The following BST1 variants were observed in gnomAD, a reference collection of about 807,000 sequenced individuals.
The protein encoded by BST1 is bone marrow stromal cell antigen 1.
In BST1, 49 loss-of-function variants were observed where a neutral mutation model predicts 40.6. The ratio of observed to expected loss-of-function variants is 1.21; its 90% CI spans 0.96 to 1.53. The LOEUF (loss-of-function observed/expected upper bound fraction) is 1.53, where lower values mean the gene tolerates loss of function less well. BST1 is among the 40% of genes most tolerant of loss of function. BST1 has a pLI of 0.00. For missense variants in BST1, 423 were observed against 395.9 expected (o/e 1.07, Z -0.58); for synonymous variants, 157 against 159.3 (o/e 0.99, Z 0.11).
At chr4:15,704,731 G>T (rs1226866864) in intron 1 of BST1, among the ~76,000 whole-genome samples, 1 of 152,074 alleles carries the variant, frequency 6.6e-6, no homozygotes. Context: ...ATCTCAGGTT[G>T]GAATTCCTTG....
At chr4:15,705,931 ACTTCTGGGAGGCCT>A (rs1484647515) in intron 2 of BST1, among the ~76,000 whole-genome samples, 1 of 152,228 alleles carries the variant, frequency 6.6e-6, no homozygotes, top group Admixed American at 6.5e-5. Context: ...GGCAACATCT[ACTTCTGGGAGGCCT>A]CTGGGAGCTT....
At chr4:15,735,926 C>T (rs1721544063), downstream of BST1, 2 of 388,486 alleles carry the variant, frequency 5.1e-6, no homozygotes, top group Non-Finnish European at 4.5e-6. Context: ...GTAATAATGG[C>T]TCTTTACTTG....
chr4:15,751,220 G>A, the BST1 span, among the ~76,000 whole-genome samples: 1 of 152,144 alleles, frequency 6.6e-6, no homozygotes, highest in Admixed American at 6.5e-5. Context: ...TCACAAGAGT[G>A]GGGTTTTACA....
chr4:15,748,020 A>C, the BST1 span, among the ~76,000 whole-genome samples: 1 of 152,102 alleles, frequency 6.6e-6, no homozygotes, highest in African/African-American at 2.4e-5. Flanking sequence ...TCCAGATTTC[A>C]ATGAGCCATT....
intron 8 of BST1, among the ~76,000 whole-genome samples, chr4:15,728,449 CTTTT>C (rs974237825): frequency 4.2e-5 from 5 of 119,590 alleles, no homozygotes; most frequent in Admixed American, 1.8e-4. Context: ...AATTCTTTTT[CTTTT>C]TTTTTTTTTT....
chr4:15,731,157 G>C (rs1263897280), intron 8 of BST1: 2 of 402,382 alleles, frequency 5.0e-6, no homozygotes, highest in Non-Finnish European at 9.4e-6. Flanking sequence ...TCTTCATGTG[G>C]AAATTGATTA....
chr4:15,734,398 T>C (rs1299352888), downstream of BST1, among the ~76,000 whole-genome samples: 1 of 152,134 alleles, frequency 6.6e-6, no homozygotes, highest in African/African-American at 2.4e-5. Flanking sequence ...TAGGAAAATG[T>C]GTAAGAGATA....
chr4:15,765,569 C>T, the BST1 span, among the ~76,000 whole-genome samples: 10 of 152,014 alleles, frequency 6.6e-5, no homozygotes, highest in Non-Finnish European at 1.2e-4. Flanking sequence ...AATCTCTATC[C>T]TCATCTCCCA....
the BST1 span, among the ~76,000 whole-genome samples, chr4:15,772,485 C>T: frequency 4.6e-5 from 7 of 152,178 alleles, no homozygotes; most frequent in Admixed American, 1.3e-4. Context: ...TCCCAGGGTA[C>T]TAAGAGAATA....
At chr4:15,736,297 T>C (rs546917032), downstream of BST1, 1 of 223,248 alleles carries the variant, frequency 4.5e-6, no homozygotes, top group South Asian at 1.6e-4. Context: ...TTCCTACCCT[T>C]GGCAAGACAA....
chr4:15,743,755 T>G, the BST1 span, among the ~76,000 whole-genome samples: 1 of 152,210 alleles, frequency 6.6e-6, no homozygotes, highest in Non-Finnish European at 1.5e-5. Flanking sequence ...ATTTTTACCC[T>G]GGCTTTGCCT....
chr4:15,740,754 G>A (rs1390001527), downstream of BST1, among the ~76,000 whole-genome samples: 2 of 152,078 alleles, frequency 1.3e-5, no homozygotes, highest in Non-Finnish European at 2.9e-5. Flanking sequence ...CAGCAACAGA[G>A]GCTGGAGCAT....
chr4:15,746,768 G>T, the BST1 span, among the ~76,000 whole-genome samples: 3 of 152,124 alleles, frequency 2.0e-5, no homozygotes, highest in Non-Finnish European at 2.9e-5. Context: ...TACTATAAAG[G>T]CTCTTACTCC....
chr4:15,720,161 G>A (rs1720733754), intron 7 of BST1, among the ~76,000 whole-genome samples: 1 of 152,048 alleles, frequency 6.6e-6, no homozygotes, highest in Admixed American at 6.5e-5. Context: ...CCACTCTCTA[G>A]ATTTATAATG....
chr4:15,729,024 T>C (rs186006853), intron 8 of BST1, among the ~76,000 whole-genome samples: 142 of 152,338 alleles, frequency 9.3e-4, no homozygotes, highest in Non-Finnish European at 1.6e-3. Flanking sequence ...AGTATTGGAA[T>C]TTGTAAAAGA....
chr4:15,766,166 G>A, the BST1 span, among the ~76,000 whole-genome samples: 1 of 151,960 alleles, frequency 6.6e-6, no homozygotes, highest in Non-Finnish European at 1.5e-5. Context: ...TGGGGATGGA[G>A]GTAGGGTGGC....
intron 8 of BST1, among the ~76,000 whole-genome samples, chr4:15,729,212 G>T (rs943999355): frequency 2.0e-5 from 3 of 152,128 alleles, no homozygotes; most frequent in African/African-American, 7.2e-5. Flanking sequence ...AGCACTTTGG[G>T]AGTTCAGTGC....
At chr4:15,765,034 C>G in the BST1 span, among the ~76,000 whole-genome samples, 28 of 151,958 alleles carry the variant, frequency 1.8e-4, no homozygotes, top group African/African-American at 6.8e-4. Context: ...GCTTCAGTCT[C>G]TTTCCTGTAA....
At chr4:15,710,850 C>T (rs1372614169) in intron 3 of BST1, among the ~76,000 whole-genome samples, 1 of 151,884 alleles carries the variant, frequency 6.6e-6, no homozygotes, top group African/African-American at 2.4e-5. Context: ...AGTGCAGTGG[C>T]ACGATCTCAG....
Sources: gnomAD v4.1 joint callset for allele counts (sites outside exome capture counted in the v4.1 genomes callset) on GRCh38, gnomAD v4.1.1 for gene constraint, MANE v1.5 for transcripts, NCBI Gene and HGNC (gene_info 2026-07-23, HGNC 2026-07-21) for gene names.